GRIA2: variants seen among roughly 807,000 people sequenced by gnomAD.
GRIA2 encodes the protein glutamate ionotropic receptor AMPA type subunit 2, also known as glutamate receptor 2.
A neutral mutation model predicts 97.3 loss-of-function variants in GRIA2; 14 were observed. The ratio of observed to expected loss-of-function variants is 0.14; its 90% CI spans 0.10 to 0.23. The LOEUF is 0.23. GRIA2 is among the 10% of genes least tolerant of loss of function. The pLI is 1.00. For synonymous variants in GRIA2, 412 were observed against 387.8 expected (o/e 1.06, Z -0.73); for missense variants, 558 against 1,069.8 (o/e 0.52, Z 6.67).
At chr4:157,348,392 C>T (rs949128033) in intron 12 of GRIA2, among the ~76,000 whole-genome samples, 3 of 152,034 alleles carry the variant, frequency 2.0e-5, no homozygotes, top group Non-Finnish European at 4.4e-5. Context: ...GTGTTCACCA[C>T]CATGCTCAGC....
At chr4:157,360,564 T>C in intron 13 of GRIA2, 1 of 399,296 alleles carries the variant, frequency 2.5e-6, no homozygotes, top group South Asian at 2.0e-5. Context: ...CTGAGAAATA[T>C]GCCACTTTTT....
intron 9 of GRIA2, 157 bp from the exon 10 acceptor site, chr4:157,335,514 T>C (rs935685139): frequency 5.0e-6 from 3 of 605,140 alleles, no homozygotes; most frequent in Non-Finnish European, 8.8e-6. Flanking sequence ...GGGGAAGCAT[T>C]ATGCTTAAAT....
intron 12 of GRIA2, among the ~76,000 whole-genome samples, chr4:157,356,318 C>T (rs1281277120): frequency 4.0e-5 from 6 of 150,278 alleles, no homozygotes; most frequent in Non-Finnish European, 7.4e-5. Context: ...GTAACTCTTC[C>T]CTGGGGCCAT....
intron 2 of GRIA2, among the ~76,000 whole-genome samples, chr4:157,227,084 A>G (rs530709406): frequency 1.6e-4 from 24 of 152,298 alleles, no homozygotes; most frequent in African/African-American, 5.5e-4. Flanking sequence ...GATGAGAGAA[A>G]CTAAGTATTG....
chr4:157,344,298 T>G (rs1735675382), intron 12 of GRIA2, among the ~76,000 whole-genome samples: 1 of 152,106 alleles, frequency 6.6e-6, no homozygotes, highest in Admixed American at 6.6e-5. Context: ...TTTCTATTCC[T>G]AAAATTAACA....
At chr4:157,319,352 A>G (rs1734459032) in intron 5 of GRIA2, among the ~76,000 whole-genome samples, 2 of 152,304 alleles carry the variant, frequency 1.3e-5, no homozygotes, top group South Asian at 4.1e-4. Flanking sequence ...TGGCTCCTCA[A>G]TTTGAGAGCT....
chr4:157,223,432 C>T (rs1261014135), intron 2 of GRIA2, among the ~76,000 whole-genome samples: 1 of 152,112 alleles, frequency 6.6e-6, no homozygotes, highest in Non-Finnish European at 1.5e-5. Context: ...AGTGGATTTG[C>T]AGCTTTGAAA....
At chr4:157,347,836 A>T (rs942361114) in intron 12 of GRIA2, among the ~76,000 whole-genome samples, 6 of 152,176 alleles carry the variant, frequency 3.9e-5, no homozygotes, top group African/African-American at 1.4e-4. Context: ...TAGACTTTTG[A>T]TATTTGAAGG....
At chr4:157,264,804 T>C in intron 2 of GRIA2, among the ~76,000 whole-genome samples, 1 of 152,186 alleles carries the variant, frequency 6.6e-6, no homozygotes, top group East Asian at 1.9e-4. Flanking sequence ...GCCTCACAGT[T>C]AATCATTTTA....
At chr4:157,335,081 ACT>A (rs891604052) in intron 9 of GRIA2, 1 of 153,110 alleles carries the variant, frequency 6.5e-6, no homozygotes, top group African/African-American at 2.4e-5. Context: ...GGGGGAAGCT[ACT>A]CTCTAGCTAT....
At chr4:157,341,542 A>C in intron 12 of GRIA2, 80 bp downstream of exon 12, 1 of 928,976 alleles carries the variant, frequency 1.1e-6, no homozygotes, top group Non-Finnish European at 1.8e-6. Flanking sequence ...CCCATAGTCA[A>C]TTCCAAGGTA....
intron 2 of GRIA2, among the ~76,000 whole-genome samples, chr4:157,222,820 G>T (rs941739915): frequency 4.6e-5 from 7 of 152,302 alleles, no homozygotes; most frequent in Non-Finnish European, 1.0e-4. Context: ...AACAATTAGG[G>T]ATCTAAAAGG....
chr4:157,236,204 G>T (rs1730238615), intron 2 of GRIA2, among the ~76,000 whole-genome samples: 1 of 151,802 alleles, frequency 6.6e-6, no homozygotes, highest in South Asian at 2.1e-4. Context: ...AGCTTCTTGT[G>T]GTCTTTATAT....
intron 2 of GRIA2, among the ~76,000 whole-genome samples, chr4:157,241,450 T>A (rs1561006042): frequency 6.6e-6 from 1 of 152,086 alleles, no homozygotes. Flanking sequence ...CATGAAGACC[T>A]GAAAAATTCT....
chr4:157,257,130 A>AT (rs1245031312), intron 2 of GRIA2, among the ~76,000 whole-genome samples: 2 of 152,088 alleles, frequency 1.3e-5, no homozygotes, highest in Non-Finnish European at 2.9e-5. Context: ...AAATTGTCAG[A>AT]TAAAAACAAG....
chr4:157,287,065 C>A (rs1732879579), intron 2 of GRIA2, among the ~76,000 whole-genome samples: 2 of 151,590 alleles, frequency 1.3e-5, no homozygotes, highest in Non-Finnish European at 3.0e-5. Flanking sequence ...CAACTCCAAT[C>A]TGTTGTCTGG....
intron 2 of GRIA2, among the ~76,000 whole-genome samples, chr4:157,260,126 T>G (rs1329332764): frequency 6.6e-6 from 1 of 152,126 alleles, no homozygotes. Flanking sequence ...CATGTTCTAC[T>G]CCTTTTGAAA....
intron 2 of GRIA2, among the ~76,000 whole-genome samples, chr4:157,278,595 G>C (rs1732454585): frequency 6.6e-6 from 1 of 151,954 alleles, no homozygotes; most frequent in African/African-American, 2.4e-5. Context: ...CAAAGGCACA[G>C]TCTATGAAAG....
chr4:157,256,246 A>ATG (rs1731261327), intron 2 of GRIA2, among the ~76,000 whole-genome samples: 1 of 82,248 alleles, frequency 1.2e-5, no homozygotes, highest in African/African-American at 5.5e-5. Context: ...ATATATATAT[A>ATG]ATATATAAAT....
Sources: allele counts gnomAD v4.1 joint callset (sites outside exome capture counted in the v4.1 genomes callset), GRCh38; gene constraint gnomAD v4.1.1; transcripts MANE v1.5; gene names NCBI Gene and HGNC (gene_info 2026-07-23, HGNC 2026-07-21).